SHISA9: variants seen among roughly 807,000 people sequenced by gnomAD.
SHISA9 encodes the protein shisa family member 9.
Under a neutral mutation model 38.0 loss-of-function variants are expected in SHISA9, and 13 were observed. The observed-to-expected ratio is 0.34, with a 90% CI of 0.22 to 0.54. The LOEUF is 0.54. SHISA9 is among the 20% of genes least tolerant of loss of function. The probability of loss-of-function intolerance (pLI) is 0.91; values close to 1 mark genes in which losing one functional copy is unlikely to be tolerated. For synonymous variants in SHISA9, 275 were observed against 242.0 expected (o/e 1.14, Z -1.27); for missense variants, 538 against 575.8 (o/e 0.93, Z 0.67).
chr16:13,110,263 G>A (rs1231236682), intron 2 of SHISA9, among the ~76,000 whole-genome samples: 2 of 152,188 alleles, frequency 1.3e-5, no homozygotes, highest in African/African-American at 4.8e-5. Context: ...ATTCTGCCAA[G>A]CCTCCCATTC....
chr16:13,419,013 T>C, the SHISA9 span, among the ~76,000 whole-genome samples: 2 of 152,198 alleles, frequency 1.3e-5, no homozygotes, highest in African/African-American at 4.8e-5. Flanking sequence ...ATGTAAGTAG[T>C]TGAAGAAAAC....
chr16:13,050,404 T>C (rs1365801499), intron 2 of SHISA9, among the ~76,000 whole-genome samples: 1 of 152,176 alleles, frequency 6.6e-6, no homozygotes, highest in Non-Finnish European at 1.5e-5. Context: ...TGATCTTGGC[T>C]CACTGCAACC....
At chr16:13,356,919 C>T in the SHISA9 span, among the ~76,000 whole-genome samples, 1 of 152,088 alleles carries the variant, frequency 6.6e-6, no homozygotes, top group African/African-American at 2.4e-5. Flanking sequence ...GTATTGGGGT[C>T]AAACGGCATT....
the SHISA9 span, among the ~76,000 whole-genome samples, chr16:13,438,425 C>T: frequency 6.6e-6 from 1 of 152,166 alleles, no homozygotes; most frequent in Admixed American, 6.5e-5. Context: ...CAGTAGCTAG[C>T]ACACTCTTAC....
the SHISA9 span, among the ~76,000 whole-genome samples, chr16:13,399,166 G>A: frequency 1.3e-5 from 2 of 151,674 alleles, no homozygotes; most frequent in Non-Finnish European, 2.9e-5. Flanking sequence ...GAGGTGGGAG[G>A]ATGACTTAAA....
the SHISA9 span, among the ~76,000 whole-genome samples, chr16:13,353,909 G>C: frequency 0.018 from 2,804 of 151,906 alleles, 37 homozygotes; most frequent in Middle Eastern, 0.034. Flanking sequence ...CATCTGTTAT[G>C]AGACTGTATT....
rs370039156 is a variant in SHISA9 at position 13,098,083 on chromosome 16, G to A, written c.692-105311G>A. 1.4e-4 allele frequency among the ~76,000 whole-genome samples: 22 copies of A among 152,276 alleles called. No homozygotes were observed. In the East Asian group the frequency reaches 3.7e-3, roughly 25 times the overall value. On this transcript the variant is annotated intron_variant, in intron 2 of 4. Coordinates refer to ENST00000558583, the MANE Select transcript of SHISA9 (RefSeq NM_001145204.3). ...TACCACCCCATTTCGCAGAAGAAACGGAGGGTCAGAGAGATGAAGTCACCT... is the reference window on the plus strand; with the variant it reads ...TACCACCCCATTTCGCAGAAGAAACAGAGGGTCAGAGAGATGAAGTCACCT...
intron 2 of SHISA9, among the ~76,000 whole-genome samples, chr16:12,954,658 A>G (rs1445592374): frequency 6.6e-6 from 1 of 152,172 alleles, no homozygotes; most frequent in Non-Finnish European, 1.5e-5. Flanking sequence ...GCTATTTTAT[A>G]TTTTTACCTT....
At chr16:13,350,828 C>A in the SHISA9 span, among the ~76,000 whole-genome samples, 1 of 152,152 alleles carries the variant, frequency 6.6e-6, no homozygotes, top group Non-Finnish European at 1.5e-5. Flanking sequence ...AAGATTTGCT[C>A]CTTATTACAC....
intron 2 of SHISA9, among the ~76,000 whole-genome samples, chr16:13,000,725 G>T (rs761746501): frequency 2.0e-5 from 3 of 152,184 alleles, no homozygotes; most frequent in Non-Finnish European, 4.4e-5. Flanking sequence ...AGTGCCTGGT[G>T]CATGGTAAGC....
At chr16:13,547,242 T>C in the SHISA9 span, among the ~76,000 whole-genome samples, 4 of 152,216 alleles carry the variant, frequency 2.6e-5, no homozygotes, top group African/African-American at 9.6e-5. Flanking sequence ...AGAGCTCCCA[T>C]TCTGCTTAGG....
At chr16:13,378,395 A>G in the SHISA9 span, among the ~76,000 whole-genome samples, 1 of 152,148 alleles carries the variant, frequency 6.6e-6, no homozygotes, top group Non-Finnish European at 1.5e-5. Flanking sequence ...CCCTGGCATT[A>G]CTAGAGTGCC....
At chr16:13,499,259 T>C in the SHISA9 span, among the ~76,000 whole-genome samples, 1 of 152,196 alleles carries the variant, frequency 6.6e-6, no homozygotes, top group Non-Finnish European at 1.5e-5. Context: ...AAAAGTGTTA[T>C]TTTATCACCA....
intron 2 of SHISA9, among the ~76,000 whole-genome samples, chr16:13,089,181 T>C (rs931503100): frequency 1.3e-5 from 2 of 152,248 alleles, no homozygotes; most frequent in Admixed American, 6.5e-5. Flanking sequence ...AGCTTTTTGA[T>C]GTGCTGCTGA....
At chr16:13,407,209 G>A in the SHISA9 span, among the ~76,000 whole-genome samples, 5 of 151,994 alleles carry the variant, frequency 3.3e-5, no homozygotes, top group African/African-American at 1.2e-4. Flanking sequence ...AGGCCAAGAA[G>A]TCCTAGATCA....
the SHISA9 span, among the ~76,000 whole-genome samples, chr16:13,554,636 CAT>C: frequency 4.5e-4 from 69 of 152,066 alleles, no homozygotes; most frequent in Non-Finnish European, 9.0e-4. Context: ...GGATTATAGG[CAT>C]GTGCCACCAC....
intron 2 of SHISA9, among the ~76,000 whole-genome samples, chr16:12,928,660 A>G (rs1462574759): frequency 1.3e-5 from 2 of 152,230 alleles, no homozygotes; most frequent in Non-Finnish European, 2.9e-5. Flanking sequence ...ATATTCAGAT[A>G]TTCTTGACAT....
At chr16:12,919,406 T>C (rs1018641814) in intron 2 of SHISA9, among the ~76,000 whole-genome samples, 12 of 152,248 alleles carry the variant, frequency 7.9e-5, no homozygotes, top group Admixed American at 2.0e-4. Context: ...ACATCCAAGT[T>C]GTTAGATTTG....
chr16:13,186,051 A>G (rs11075184), intron 2 of SHISA9, among the ~76,000 whole-genome samples: 57,019 of 151,988 alleles, frequency 0.38, 11,263 homozygotes, highest in African/African-American at 0.49. Context: ...TGGGACAGAG[A>G]GAACATTTGC....
Sources: allele counts gnomAD v4.1 joint callset (sites outside exome capture counted in the v4.1 genomes callset), GRCh38; gene constraint gnomAD v4.1.1; transcripts MANE v1.5; gene names NCBI Gene and HGNC (gene_info 2026-07-23, HGNC 2026-07-21).